UBR3: variants seen among roughly 807,000 people sequenced by gnomAD.
UBR3 encodes the protein E3 ubiquitin-protein ligase UBR3.
UBR3 carries 85 observed loss-of-function variants against 243.2 expected under a neutral mutation model. That is an observed-to-expected ratio of 0.35 (90% CI 0.29 to 0.42). UBR3 has a LOEUF of 0.42. UBR3 is among the 10% of genes least tolerant of loss of function. The probability of loss-of-function intolerance (pLI) is 1.00; values close to 1 mark genes in which losing one functional copy is unlikely to be tolerated. For synonymous variants in UBR3, 748 were observed against 799.8 expected, an observed-to-expected ratio of 0.94 and a Z score of 1.09; for missense variants, 1,686 against 2,300.8, an observed-to-expected ratio of 0.73 and a Z score of 5.47.
intron 24 of UBR3, among the ~76,000 whole-genome samples, chr2:169,975,633 G>C (rs556886425): frequency 6.6e-6 from 1 of 152,218 alleles, no homozygotes; most frequent in African/African-American, 2.4e-5. Context: ...CTGGCATTGA[G>C]TGCATATGTA....
intron 35 of UBR3, among the ~76,000 whole-genome samples, chr2:170,063,565 C>A (rs547514002): frequency 3.0e-4 from 45 of 152,126 alleles, no homozygotes; most frequent in African/African-American, 1.1e-3. Context: ...ATGAAAAATT[C>A]CAGAAAAAAA....
intron 1 of UBR3, among the ~76,000 whole-genome samples, chr2:169,837,324 A>T (rs1239034560): frequency 1.3e-5 from 2 of 152,154 alleles, no homozygotes; most frequent in Non-Finnish European, 2.9e-5. Context: ...TAAAAATACA[A>T]AATTAGCCGG....
At chr2:170,037,042 G>C in intron 31 of UBR3, among the ~76,000 whole-genome samples, 1 of 152,094 alleles carries the variant, frequency 6.6e-6, no homozygotes, top group South Asian at 2.1e-4. Flanking sequence ...ACTATATAAC[G>C]TACTTGGAAT....
chr2:169,928,918 G>A (rs920861705), intron 18 of UBR3, 50 bp downstream of exon 18: 2 of 1,297,542 alleles, frequency 1.5e-6, no homozygotes, highest in African/African-American at 1.5e-5. Flanking sequence ...TTCTTGAATG[G>A]TGAATTCTTC....
intron 6 of UBR3, 82 bp downstream of exon 6, chr2:169,891,313 A>G (rs1428733553): frequency 7.8e-6 from 8 of 1,019,862 alleles, no homozygotes; most frequent in Non-Finnish European, 1.2e-5. Flanking sequence ...TTGATGGGCT[A>G]GCCATACTGA....
Position 170,029,427 on chromosome 2 carries a change from A to G in UBR3, c.4535A>G (p.Gln1512Arg). The change falls in exon 31 of 39, where the codon CAG becomes CGG. Residue 1512 changes from glutamine (Q) to arginine (R), a missense_variant. Gln to Arg is a conservative substitution (Grantham distance 43). Coordinates refer to ENST00000272793, the MANE Select transcript of UBR3 (RefSeq NM_172070.4). ...TATAATCCCTGGAGAAAGCTCACCC[A>G]GTTAGAAGAGATGAATCCACAGTAA... ...SEYNPWRKLT[Q>R]LEEMNPQLGY... 2 of 1,610,830 alleles carry G rather than the reference A, an allele frequency of 1.2e-6. No homozygotes were observed. The highest frequency in any genetic ancestry group is 1.7e-6 in the Non-Finnish European group (2 of 1,178,292).
intron 1 of UBR3, among the ~76,000 whole-genome samples, chr2:169,851,496 C>T (rs758914763): frequency 1.6e-4 from 24 of 152,160 alleles, no homozygotes; most frequent in South Asian, 8.3e-4. Context: ...CCCTTTCCTA[C>T]CCAACAGTGT....
intron 31 of UBR3, among the ~76,000 whole-genome samples, chr2:170,040,054 G>A (rs2090928533): frequency 6.6e-6 from 1 of 151,882 alleles, no homozygotes; most frequent in Non-Finnish European, 1.5e-5. Flanking sequence ...TGTATTTTAA[G>A]TTCTGCTTTG....
Position 169,905,234 on chromosome 2 carries a change from G to A in UBR3, c.1586G>A (p.Arg529Lys). 1 of 1,544,006 alleles carries A rather than the reference G, an allele frequency of 6.5e-7. No individual in the cohort carries two copies. Among genetic ancestry groups the A allele is most frequent in the Non-Finnish European group, 8.7e-7 (1 of 1,143,550 alleles). The part of the protein sequence containing the change: ...NILSHQSVAK[R>K]FLEDHGLLVT... ...CTTTCTCATCAAAGTGTGGCCAAGAGATTTTTGGAGGATCACGGTTTGTTA... is the reference window on the plus strand; with the variant it reads ...CTTTCTCATCAAAGTGTGGCCAAGAAATTTTTGGAGGATCACGGTTTGTTA... The change falls in exon 9 of 39, where the codon AGA becomes AAA. Residue 529 changes from arginine to lysine, a missense_variant. By Grantham distance (26) the Arg-to-Lys change is conservative. Coordinates refer to ENST00000272793, the MANE Select transcript of UBR3 (RefSeq NM_172070.4).
intron 1 of UBR3, among the ~76,000 whole-genome samples, chr2:169,847,919 TG>T (rs1215330853): frequency 1.8e-5 from 1 of 55,120 alleles, no homozygotes; most frequent in East Asian, 6.6e-4. Context: ...AGGAGCACTC[TG>T]TGTAGATTTC....
intron 1 of UBR3, among the ~76,000 whole-genome samples, chr2:169,835,993 G>GTCCCTCTC (rs1194152380): frequency 3.3e-5 from 1 of 30,738 alleles, no homozygotes; most frequent in Non-Finnish European, 6.2e-5. Context: ...TGTGTGCACT[G>GTCCCTCTC]TCTCTCTCTC....
intron 1 of UBR3, among the ~76,000 whole-genome samples, chr2:169,869,613 G>T (rs1315394775): frequency 6.6e-6 from 1 of 152,068 alleles, no homozygotes; most frequent in Non-Finnish European, 1.5e-5. Flanking sequence ...ATGAACCAAA[G>T]AACTGTAATG....
intron 24 of UBR3, among the ~76,000 whole-genome samples, chr2:169,972,596 A>G (rs1343133264): frequency 1.3e-5 from 2 of 152,254 alleles, no homozygotes; most frequent in Non-Finnish European, 2.9e-5. Context: ...CCTGGGATGC[A>G]AGGCTGGTTC....
At chr2:170,067,424 G>A (rs1392603726) in intron 35 of UBR3, among the ~76,000 whole-genome samples, 1 of 152,168 alleles carries the variant, frequency 6.6e-6, no homozygotes, top group Non-Finnish European at 1.5e-5. Flanking sequence ...TATATTTGGA[G>A]ACTTCAGTGT....
chr2:169,986,559 GT>G, intron 24 of UBR3, 85 bp from the exon 25 acceptor site: 1 of 1,354,044 alleles, frequency 7.4e-7, no homozygotes, highest in Non-Finnish European at 1.0e-6. Context: ...GCTAAAAATT[GT>G]TTGAACTTGA....
intron 28 of UBR3, among the ~76,000 whole-genome samples, 192 bp downstream of exon 28, chr2:170,007,382 C>T (rs1414450614): frequency 6.6e-6 from 1 of 152,144 alleles, no homozygotes; most frequent in Non-Finnish European, 1.5e-5. Context: ...CTATACTTCT[C>T]TTTAGGCTAA....
chr2:169,922,544 C>A (rs2085743846), intron 11 of UBR3, among the ~76,000 whole-genome samples: 1 of 152,030 alleles, frequency 6.6e-6, no homozygotes, highest in African/African-American at 2.4e-5. Context: ...TGCAGCCAAT[C>A]TCCATAACTT....
intron 1 of UBR3, among the ~76,000 whole-genome samples, chr2:169,833,234 T>A (rs552133657): frequency 6.6e-6 from 1 of 152,336 alleles, no homozygotes; most frequent in African/African-American, 2.4e-5. Context: ...TCAACTGTAA[T>A]GTCTGACTAG....
At chr2:169,993,323 T>G (rs1003142134) in intron 25 of UBR3, among the ~76,000 whole-genome samples, 2 of 152,236 alleles carry the variant, frequency 1.3e-5, no homozygotes, top group Non-Finnish European at 2.9e-5. Flanking sequence ...GATTAACATA[T>G]ACACATATAC....
Sources: gnomAD v4.1 joint callset for allele counts (sites outside exome capture counted in the v4.1 genomes callset) on GRCh38, gnomAD v4.1.1 for gene constraint, MANE v1.5 for transcripts, NCBI Gene and HGNC (gene_info 2026-07-23, HGNC 2026-07-21) for gene names.